CAMK1D: variants seen among roughly 807,000 people sequenced by gnomAD.
CAMK1D encodes the protein calcium/calmodulin-dependent protein kinase type 1D.
In CAMK1D, 9 loss-of-function variants were observed where a neutral mutation model predicts 47.7. That is an observed-to-expected ratio of 0.19 (90% confidence interval 0.11 to 0.33). The LOEUF is 0.33. CAMK1D is among the 10% of genes least tolerant of loss of function. The pLI is 1.00. For missense variants in CAMK1D, 291 were observed against 488.7 expected, an observed-to-expected ratio of 0.60 and a Z score of 3.81; for synonymous variants, 184 against 184.9, an observed-to-expected ratio of 0.99 and a Z score of 0.04.
Position 12,828,778 on chromosome 10 carries a change from CT to C in CAMK1D, c.1051del (p.Ser351ProfsTer27). The part of the protein sequence containing the change: ...SLASQKDCLA[P>X]STLCSFISSS... The stretch of plus-strand genomic sequence containing the variant: ...CTGCTGTTCCCTGCAGGTCTGGCAC[CT>C]TCCACGCTCTGTAGTTTCATTTCTT... On this transcript the variant is annotated frameshift_variant, in exon 11 of 11. Transcript: ENST00000619168. LOFTEE classifies it high-confidence loss of function. 2 of 1,613,680 alleles carry C rather than the reference CT, an allele frequency of 1.2e-6. No homozygotes were observed. The highest frequency in any genetic ancestry group is 1.7e-6 in the Non-Finnish European group (2 of 1,179,738).
At position 12,499,527 on chromosome 10, in the gene CAMK1D, C is replaced by T. The variant is rs548015980; in HGVS notation, c.93-53698C>T. Among the ~76,000 whole-genome samples, 9 of 152,296 alleles carry T rather than the reference C, an allele frequency of 5.9e-5. No individual in the cohort carries two copies. In the East Asian group the frequency reaches 7.7e-4, roughly 13 times the overall value. On this transcript the variant is annotated intron_variant, in intron 1 of 10. Coordinates refer to ENST00000619168, the MANE Select transcript of CAMK1D (RefSeq NM_153498.4). ...TGAGGCATTAGGATTGATTTCCCCC[C>T]AGATCCGAATCCCTTCCAAGGAGGC... is the stretch of plus-strand genomic sequence containing the variant.
At chr10:12,686,849 C>A (rs1832684083) in intron 3 of CAMK1D, among the ~76,000 whole-genome samples, 1 of 152,094 alleles carries the variant, frequency 6.6e-6, no homozygotes, top group Non-Finnish European at 1.5e-5. Context: ...TGTACTTCTT[C>A]CCATGGCTTT....
intron 3 of CAMK1D, among the ~76,000 whole-genome samples, chr10:12,741,249 A>AT: frequency 6.6e-6 from 1 of 152,246 alleles, no homozygotes; most frequent in East Asian, 1.9e-4. Context: ...GTACTCTCAG[A>AT]TTTTCCCATA....
intron 1 of CAMK1D, among the ~76,000 whole-genome samples, chr10:12,422,006 A>G (rs559586373): frequency 6.6e-6 from 1 of 152,098 alleles, no homozygotes; most frequent in East Asian, 1.9e-4. Context: ...ATGGGGTTTC[A>G]CCATGTTCGT....
intron 2 of CAMK1D, among the ~76,000 whole-genome samples, chr10:12,587,337 C>A (rs11257908): frequency 0.095 from 14,411 of 152,112 alleles, 879 homozygotes; most frequent in South Asian, 0.14. Context: ...CTCATCATAT[C>A]CCGCATGCAA....
chr10:12,687,431 C>T (rs1832708215), intron 3 of CAMK1D, among the ~76,000 whole-genome samples: 2 of 152,232 alleles, frequency 1.3e-5, no homozygotes, highest in South Asian at 4.1e-4. Flanking sequence ...AGTTTGATTC[C>T]CGTTACGACT....
intron 3 of CAMK1D, among the ~76,000 whole-genome samples, chr10:12,725,580 C>T (rs1834588723): frequency 6.6e-6 from 1 of 152,122 alleles, no homozygotes. Flanking sequence ...CATAAGTACC[C>T]ACTGGCAATG....
intron 3 of CAMK1D, among the ~76,000 whole-genome samples, chr10:12,678,496 G>C (rs1465963300): frequency 2.6e-5 from 4 of 152,180 alleles, no homozygotes; most frequent in Non-Finnish European, 5.9e-5. Flanking sequence ...ATATCTGTTA[G>C]GTCCAGTTGT....
chr10:12,378,820 T>C (rs1305878758), intron 1 of CAMK1D, among the ~76,000 whole-genome samples: 18 of 150,782 alleles, frequency 1.2e-4, no homozygotes, highest in African/African-American at 3.9e-4. Flanking sequence ...TTTTCTTTTT[T>C]TTTTTTTTTT....
intron 1 of CAMK1D, among the ~76,000 whole-genome samples, chr10:12,439,564 C>T (rs576434514): frequency 1.2e-4 from 18 of 152,292 alleles, no homozygotes; most frequent in East Asian, 3.9e-4. Flanking sequence ...ATGTGCACAT[C>T]GGTGAAGGGT....
intron 1 of CAMK1D, among the ~76,000 whole-genome samples, chr10:12,393,797 A>T (rs936216093): frequency 2.0e-5 from 3 of 152,236 alleles, no homozygotes; most frequent in African/African-American, 7.2e-5. Context: ...CACTACCCTG[A>T]AGATGACAGT....
At chr10:12,769,195 T>C (rs1836920548) in intron 4 of CAMK1D, among the ~76,000 whole-genome samples, 1 of 152,182 alleles carries the variant, frequency 6.6e-6, no homozygotes, top group Non-Finnish European at 1.5e-5. Flanking sequence ...CTGGCCTTCA[T>C]GAAGGGTGCA....
intron 2 of CAMK1D, among the ~76,000 whole-genome samples, chr10:12,655,741 T>C (rs979840384): frequency 1.3e-5 from 2 of 152,228 alleles, no homozygotes; most frequent in African/African-American, 4.8e-5. Context: ...AGCAAATCAC[T>C]TGGGCGTTTC....
At chr10:12,635,161 G>T (rs1289975249) in intron 2 of CAMK1D, among the ~76,000 whole-genome samples, 1 of 152,098 alleles carries the variant, frequency 6.6e-6, no homozygotes, top group Non-Finnish European at 1.5e-5. Flanking sequence ...TGGAGGAGGA[G>T]AGTTTGGGGG....
At chr10:12,561,580 C>T (rs945404052) in intron 2 of CAMK1D, among the ~76,000 whole-genome samples, 1 of 152,188 alleles carries the variant, frequency 6.6e-6, no homozygotes, top group Non-Finnish European at 1.5e-5. Flanking sequence ...CCGGAGACTT[C>T]CCCTGCCTGG....
At chr10:12,368,214 AT>A (rs201692993) in intron 1 of CAMK1D, among the ~76,000 whole-genome samples, 36 of 149,346 alleles carry the variant, frequency 2.4e-4, no homozygotes, top group East Asian at 7.8e-4. Context: ...AAAAAAAAAA[AT>A]AAAATAAAAT....
chr10:12,427,559 GAAT>G (rs1450504962), intron 1 of CAMK1D, among the ~76,000 whole-genome samples: 3 of 152,114 alleles, frequency 2.0e-5, no homozygotes, highest in Non-Finnish European at 4.4e-5. Flanking sequence ...GGAGGGCAGA[GAAT>G]AACCAGCGCC....
At chr10:12,402,400 AT>A (rs1839261944) in intron 1 of CAMK1D, among the ~76,000 whole-genome samples, 1 of 150,150 alleles carries the variant, frequency 6.7e-6, no homozygotes, top group Non-Finnish European at 1.5e-5. Context: ...TGCCCAGCTA[AT>A]TTTTGTTTTT....
At chr10:12,476,136 AC>A (rs1431174972) in intron 1 of CAMK1D, among the ~76,000 whole-genome samples, 1 of 152,064 alleles carries the variant, frequency 6.6e-6, no homozygotes, top group Non-Finnish European at 1.5e-5. Flanking sequence ...TACTAAAAAT[AC>A]AAAAATTAGC....
Sources: gnomAD v4.1 joint callset for allele counts (sites outside exome capture counted in the v4.1 genomes callset) on GRCh38, gnomAD v4.1.1 for gene constraint, MANE v1.5 for transcripts, NCBI Gene and HGNC (gene_info 2026-07-23, HGNC 2026-07-21) for gene names.